Variants in NTRK3 observed in about 807,000 individuals in gnomAD.
NTRK3 encodes the protein neurotrophic receptor tyrosine kinase 3, also known as NT-3 growth factor receptor.
In NTRK3, 24 loss-of-function variants were observed where a neutral mutation model predicts 91.7. The observed-to-expected ratio is 0.26, with a 90% confidence interval of 0.19 to 0.37. The LOEUF is 0.37. Ranked by LOEUF, NTRK3 falls within the 10% of genes least tolerant of loss-of-function variation. The pLI is 1.00. For synonymous variants in NTRK3, 483 were observed against 404.0 expected (o/e 1.20, Z -2.34); for missense variants, 880 against 1,068.9 (o/e 0.82, Z 2.46).
At chr15:88,222,710 T>C (rs2050338454) in intron 3 of NTRK3, among the ~76,000 whole-genome samples, 1 of 152,304 alleles carries the variant, frequency 6.6e-6, no homozygotes, top group East Asian at 1.9e-4. Flanking sequence ...TTTGAGGTGA[T>C]TGACTGCTTC....
chr15:88,006,282 G>C (rs537360652), intron 14 of NTRK3, among the ~76,000 whole-genome samples: 2 of 152,174 alleles, frequency 1.3e-5, no homozygotes, highest in Non-Finnish European at 2.9e-5. Flanking sequence ...CCTCGGGAAA[G>C]GGATTTAAAT....
chr15:88,222,795 C>T (rs2050343710), intron 3 of NTRK3, among the ~76,000 whole-genome samples: 1 of 152,272 alleles, frequency 6.6e-6, no homozygotes, highest in East Asian at 1.9e-4. Flanking sequence ...TTGGAATTCT[C>T]ACAATCACCC....
At chr15:87,887,613 C>T (rs1433911226) in intron 17 of NTRK3, among the ~76,000 whole-genome samples, 2 of 152,182 alleles carry the variant, frequency 1.3e-5, no homozygotes, top group African/African-American at 4.8e-5. Context: ...AAAATCCATG[C>T]TGATCTTCCT....
At chr15:88,065,955 T>C (rs184841332) in intron 13 of NTRK3, among the ~76,000 whole-genome samples, 8 of 152,180 alleles carry the variant, frequency 5.3e-5, no homozygotes, top group African/African-American at 1.7e-4. Flanking sequence ...TTTGCCAAAA[T>C]GGCCTACTGT....
At chr15:88,095,800 T>A (rs2049531974) in intron 13 of NTRK3, among the ~76,000 whole-genome samples, 1 of 152,136 alleles carries the variant, frequency 6.6e-6, no homozygotes, top group African/African-American at 2.4e-5. Context: ...CACAAGAAGT[T>A]GCAAAAATAG....
intron 3 of NTRK3, among the ~76,000 whole-genome samples, chr15:88,238,740 C>T (rs979705031): frequency 3.3e-5 from 5 of 152,238 alleles, no homozygotes; most frequent in Non-Finnish European, 7.3e-5. Context: ...ACTGAAACTG[C>T]TGTACAGGAT....
chr15:88,208,442 T>C (rs2048971108), intron 3 of NTRK3, among the ~76,000 whole-genome samples: 1 of 152,200 alleles, frequency 6.6e-6, no homozygotes, highest in African/African-American at 2.4e-5. Flanking sequence ...GCTACATCAC[T>C]GTGTCTCAGG....
intron 14 of NTRK3, among the ~76,000 whole-genome samples, chr15:87,986,379 A>G (rs1368475267): frequency 1.3e-5 from 2 of 152,190 alleles, no homozygotes; most frequent in African/African-American, 2.4e-5. Flanking sequence ...CAAATAATCC[A>G]TTACTGCAAT....
At chr15:88,079,012 G>A (rs2047807034) in intron 13 of NTRK3, among the ~76,000 whole-genome samples, 1 of 152,198 alleles carries the variant, frequency 6.6e-6, no homozygotes, top group Non-Finnish European at 1.5e-5. Flanking sequence ...CCCTCTGGCT[G>A]CTGGGTAGAG....
chr15:88,153,215 G>A (rs1005835948), intron 5 of NTRK3, among the ~76,000 whole-genome samples: 1 of 152,018 alleles, frequency 6.6e-6, no homozygotes, highest in African/African-American at 2.4e-5. Flanking sequence ...ACATCATCAA[G>A]TATCTATCCC....
Position 88,051,442 on chromosome 15 carries a change from AGTT to A in NTRK3, c.1397-18400_1397-18398del, listed in dbSNP as rs1223883764. ...AAGAATAAGGCTTAACAGGGAAGGAAGTTGTTGTGACTCCATGCTTTTATTCCT... is the reference window on the plus strand; with the variant it reads ...AAGAATAAGGCTTAACAGGGAAGGAAGTTGTGACTCCATGCTTTTATTCCT... On this transcript the variant is annotated intron_variant, in intron 13 of 18. Transcript: ENST00000394480. 7.2e-5 allele frequency among the ~76,000 whole-genome samples: 11 copies of A among 152,318 alleles called. 1 individual carries two copies. In the East Asian group the frequency reaches 7.7e-4, roughly 11 times the overall value.
chr15:88,042,701 G>T (rs567945010), intron 13 of NTRK3, among the ~76,000 whole-genome samples: 1 of 152,306 alleles, frequency 6.6e-6, no homozygotes, highest in East Asian at 1.9e-4. Context: ...CGCACTTAAG[G>T]AAGGGGAAGG....
chr15:88,132,143 G>A (rs1310747159), intron 10 of NTRK3: 7 of 179,998 alleles, frequency 3.9e-5, no homozygotes, highest in Non-Finnish European at 3.6e-5. Flanking sequence ...CCCTGGCAAC[G>A]TGGTTCCATG....
chr15:87,929,081 GGT>G, intron 17 of NTRK3, 108 bp downstream of exon 17: 1 of 1,517,452 alleles, frequency 6.6e-7, no homozygotes, highest in Non-Finnish European at 9.1e-7. Context: ...TCTGGGCATG[GGT>G]GTGTATATGT....
intron 5 of NTRK3, among the ~76,000 whole-genome samples, chr15:88,156,733 A>G (rs1485065681): frequency 6.6e-6 from 1 of 152,170 alleles, no homozygotes; most frequent in African/African-American, 2.4e-5. Context: ...TGCGTCTCAG[A>G]CTGCTGGCCT....
chr15:87,956,271 T>C (rs1283636348), intron 14 of NTRK3, among the ~76,000 whole-genome samples: 2 of 152,196 alleles, frequency 1.3e-5, no homozygotes, highest in East Asian at 3.9e-4. Context: ...TGGGCTGTTC[T>C]GGTTTTTGTT....
intron 16 of NTRK3, among the ~76,000 whole-genome samples, chr15:87,931,822 C>A (rs761424098): frequency 6.6e-6 from 1 of 152,144 alleles, no homozygotes; most frequent in Non-Finnish European, 1.5e-5. Flanking sequence ...ATTGAATGTC[C>A]CACTTCAAGA....
chr15:88,158,459 T>C (rs920744951), intron 5 of NTRK3, among the ~76,000 whole-genome samples: 1 of 152,302 alleles, frequency 6.6e-6, no homozygotes, highest in African/African-American at 2.4e-5. Context: ...AGCAGATGCC[T>C]GGGCAGGGCC....
intron 17 of NTRK3, among the ~76,000 whole-genome samples, chr15:87,903,728 G>A (rs1009995419): frequency 2.6e-5 from 4 of 152,166 alleles, no homozygotes; most frequent in African/African-American, 9.7e-5. Context: ...ATCTTACACA[G>A]GGGACTGTAT....
Sources: gnomAD v4.1 joint callset for allele counts (sites outside exome capture counted in the v4.1 genomes callset) on GRCh38, gnomAD v4.1.1 for gene constraint, MANE v1.5 for transcripts, NCBI Gene and HGNC (gene_info 2026-07-23, HGNC 2026-07-21) for gene names.